Variants in FBN2 observed in about 807,000 individuals in gnomAD.
FBN2 encodes the protein fibrillin 2, also known as fibrillin-2.
Under a neutral mutation model 355.6 loss-of-function variants are expected in FBN2, and 105 were observed. The observed-to-expected ratio is 0.30, with a 90% confidence interval of 0.25 to 0.35. The LOEUF is 0.35. FBN2 is among the 10% of genes least tolerant of loss of function. The pLI is 1.00. For synonymous variants in FBN2, 1,350 were observed against 1,301.2 expected (o/e 1.04, Z -0.81); for missense variants, 3,280 against 3,758.7 (o/e 0.87, Z 3.33).
chr5:128,307,028 C>T, intron 42 of FBN2, 107 bp downstream of exon 42: 1 of 776,838 alleles, frequency 1.3e-6, no homozygotes, highest in South Asian at 1.4e-5. Context: ...AGATTGGATC[C>T]CAGATTATTA....
chr5:128,520,354 A>G (rs1410441264), intron 4 of FBN2, among the ~76,000 whole-genome samples: 1 of 152,204 alleles, frequency 6.6e-6, no homozygotes, highest in Non-Finnish European at 1.5e-5. Context: ...GAAAATACTG[A>G]TACTGAAAGT....
chr5:128,455,925 G>A (rs1044783179), intron 6 of FBN2, among the ~76,000 whole-genome samples: 1 of 137,380 alleles, frequency 7.3e-6, no homozygotes, highest in Non-Finnish European at 1.5e-5. Flanking sequence ...GGGTTGTGGC[G>A]ACCAGCTCCA....
chr5:128,391,117 T>G (rs935790930), intron 11 of FBN2, among the ~76,000 whole-genome samples: 1 of 152,124 alleles, frequency 6.6e-6, no homozygotes, highest in Non-Finnish European at 1.5e-5. Context: ...GTACAAAAAG[T>G]GTACTAATAT....
chr5:128,263,733 G>A (rs570581245), intron 62 of FBN2, 77 bp from the exon 63 acceptor site: 16 of 953,910 alleles, frequency 1.7e-5, no homozygotes, highest in Non-Finnish European at 2.6e-5. Flanking sequence ...GGAGTCTCAA[G>A]TGCCTGTGAT....
intron 53 of FBN2, among the ~76,000 whole-genome samples, chr5:128,287,909 C>T (rs1481560366): frequency 6.6e-6 from 1 of 152,086 alleles, no homozygotes; most frequent in Non-Finnish European, 1.5e-5. Context: ...ATCTAGTCAG[C>T]TCAAGTGGCA....
intron 5 of FBN2, among the ~76,000 whole-genome samples, chr5:128,489,806 A>G (rs1318806404): frequency 1.3e-5 from 2 of 152,206 alleles, no homozygotes; most frequent in African/African-American, 4.8e-5. Context: ...ATAAAGAAAA[A>G]GGATGTGTGT....
At chr5:128,278,055 G>T in intron 57 of FBN2, 50 bp from the exon 58 acceptor site, 2 of 1,593,910 alleles carry the variant, frequency 1.3e-6, no homozygotes, top group Non-Finnish European at 1.7e-6. Context: ...ATATGCAAGG[G>T]TAAAACTGGT....
chr5:128,519,405 C>T, intron 4 of FBN2, 37 bp from the exon 5 acceptor site: 2 of 1,511,308 alleles, frequency 1.3e-6, no homozygotes, highest in Non-Finnish European at 9.2e-7. Context: ...ATTATATAGC[C>T]AGTCTCCAAG....
intron 8 of FBN2, among the ~76,000 whole-genome samples, chr5:128,400,635 C>A (rs768401528): frequency 1.3e-5 from 2 of 152,074 alleles, no homozygotes; most frequent in Non-Finnish European, 2.9e-5. Flanking sequence ...AAATACTGTA[C>A]CAGAATATTT....
intron 8 of FBN2, among the ~76,000 whole-genome samples, chr5:128,404,423 A>G (rs780919616): frequency 1.3e-4 from 20 of 152,220 alleles, no homozygotes; most frequent in Non-Finnish European, 2.5e-4. Flanking sequence ...TGATAGTGAA[A>G]TGAATGGGAC....
At position 128,408,680 on chromosome 5, in the gene FBN2, A is replaced by T. The variant is rs375957278; in HGVS notation, c.1072T>A (p.Cys358Ser). The change falls in exon 8 of 65, where the codon TGC becomes AGC. Residue 358 changes from cysteine (C) to serine (S), a missense_variant. Cys to Ser is a moderately radical substitution (Grantham distance 112, BLOSUM62 -1). Coordinates refer to ENST00000262464, the MANE Select transcript of FBN2 (RefSeq NM_001999.4). ...TTCAAAATGCGAGGCTTACCGATGC[A>T]TCGAGAGCCATCTGTTGAGGTTACA... ...GYVTSTDGSR[C>S]IDQRTGMCFS... 6.2e-7 allele frequency: 1 copy of T among 1,614,006 alleles called. No individual in the cohort carries two copies.
intron 48 of FBN2, among the ~76,000 whole-genome samples, chr5:128,297,529 G>A (rs1392855093): frequency 1.3e-5 from 2 of 152,048 alleles, no homozygotes; most frequent in Non-Finnish European, 2.9e-5. Flanking sequence ...TCCTGTATTG[G>A]GTGCATATAT....
chr5:128,446,288 T>C (rs1754061290), intron 7 of FBN2, 193 bp downstream of exon 7: 1 of 532,786 alleles, frequency 1.9e-6, no homozygotes, highest in Non-Finnish European at 3.4e-6. Context: ...CAAATGCTCA[T>C]TGACTCTTTT....
intron 5 of FBN2, among the ~76,000 whole-genome samples, chr5:128,476,643 T>A (rs566214050): frequency 2.6e-5 from 4 of 151,344 alleles, no homozygotes; most frequent in African/African-American, 9.7e-5. Context: ...GAAATACAAG[T>A]CAAATTTGAC....
intron 41 of FBN2, 118 bp downstream of exon 41, chr5:128,309,129 G>T (rs1002361663): frequency 1.2e-5 from 13 of 1,041,446 alleles, no homozygotes; most frequent in Non-Finnish European, 1.9e-5. Flanking sequence ...TGATGCTCTT[G>T]GGAATTTTTG....
intron 7 of FBN2, among the ~76,000 whole-genome samples, chr5:128,438,283 G>A (rs995846487): frequency 2.0e-5 from 3 of 152,238 alleles, no homozygotes; most frequent in Non-Finnish European, 1.5e-5. Flanking sequence ...GTGTGCCGCC[G>A]TGCCCGGCTA....
At chr5:128,418,707 C>T (rs1753267374) in intron 7 of FBN2, among the ~76,000 whole-genome samples, 1 of 151,878 alleles carries the variant, frequency 6.6e-6, no homozygotes, top group Non-Finnish European at 1.5e-5. Context: ...TTGTTTTATT[C>T]TATTGTGATC....
intron 7 of FBN2, among the ~76,000 whole-genome samples, chr5:128,440,578 C>T (rs1753893643): frequency 1.3e-5 from 2 of 152,116 alleles, no homozygotes; most frequent in African/African-American, 2.4e-5. Flanking sequence ...TCCCACAAGG[C>T]CCCTCTTCCA....
chr5:128,404,997 C>A (rs905815946), intron 8 of FBN2, among the ~76,000 whole-genome samples: 17 of 152,200 alleles, frequency 1.1e-4, no homozygotes, highest in African/African-American at 4.1e-4. Flanking sequence ...CACAGGAAAA[C>A]CCTGTCTCTA....
Sources: allele counts gnomAD v4.1 joint callset (sites outside exome capture counted in the v4.1 genomes callset), GRCh38; gene constraint gnomAD v4.1.1; transcripts MANE v1.5; gene names NCBI Gene and HGNC (gene_info 2026-07-23, HGNC 2026-07-21).